The following MMS22L variants were observed in gnomAD, a reference collection of about 807,000 sequenced individuals.
MMS22L encodes protein MMS22-like.
A neutral mutation model predicts 159.1 loss-of-function variants in MMS22L; 74 were observed. That is an observed-to-expected ratio of 0.47 (90% CI 0.39 to 0.56). The LOEUF (loss-of-function observed/expected upper bound fraction) is 0.56. Among genes scored for constraint, MMS22L ranks in the 20% least tolerant of loss-of-function variants. The pLI is 0.00. For missense variants in MMS22L, 1,351 were observed against 1,422.1 expected, an observed-to-expected ratio of 0.95 and a Z score of 0.80; for synonymous variants, 517 against 506.9, an observed-to-expected ratio of 1.02 and a Z score of -0.27.
At chr6:97,218,981 AG>A (rs1487432133) in intron 14 of MMS22L, among the ~76,000 whole-genome samples, 1 of 152,172 alleles carries the variant, frequency 6.6e-6, no homozygotes, top group Non-Finnish European at 1.5e-5. Context: ...AGCTGCTAGC[AG>A]GGAAAATGCC....
At chr6:97,236,897 G>T (rs1451362999) in intron 11 of MMS22L, among the ~76,000 whole-genome samples, 2 of 151,526 alleles carry the variant, frequency 1.3e-5, no homozygotes, top group South Asian at 4.2e-4. Flanking sequence ...CTTGCAGTGA[G>T]CCGAAATAGC....
At position 97,165,285 on chromosome 6, in the gene MMS22L, G is replaced by A; in HGVS notation, c.3182C>T (p.Pro1061Leu). Residue 1061 changes from proline (P) to leucine (L), a missense_variant, in exon 21 of 25, where the codon CCA becomes CTA. By Grantham distance (98) the Pro-to-Leu change is moderately conservative (BLOSUM62 -3). Coordinates refer to ENST00000683635, the MANE Select transcript of MMS22L (RefSeq NM_001350599.2). ...LALRNTATIPPISSLKKCIVQ... is the reference protein window; with the variant it reads ...LALRNTATIPLISSLKKCIVQ... ...AATGCATTTCTTTAGAGATGATATT[G>A]GTGGAATAGTGGCTGTGTTTCTCAA... 1.9e-6 allele frequency: 3 copies of A among 1,613,160 alleles called. No individual in the cohort carries two copies. Among genetic ancestry groups the A allele is most frequent in the South Asian group, 2.2e-5 (2 of 91,068 alleles).
chr6:97,210,061 A>C (rs1382050177), intron 14 of MMS22L, among the ~76,000 whole-genome samples: 1 of 151,958 alleles, frequency 6.6e-6, no homozygotes, highest in African/African-American at 2.4e-5. Context: ...CCAATCCTTT[A>C]TCCTTCAGAT....
chr6:97,226,365 C>T (rs1037847441), intron 14 of MMS22L, among the ~76,000 whole-genome samples: 1 of 152,032 alleles, frequency 6.6e-6, no homozygotes, highest in African/African-American at 2.4e-5. Flanking sequence ...GAGGCCGAGG[C>T]GGGTGGATCA....
intron 8 of MMS22L, chr6:97,264,545 T>C (rs1401049889): frequency 1.3e-5 from 2 of 152,132 alleles, no homozygotes; most frequent in Non-Finnish European, 2.9e-5. Flanking sequence ...CTAGAAATCC[T>C]AGCCACAGCA....
intron 22 of MMS22L, among the ~76,000 whole-genome samples, chr6:97,160,647 T>C (rs945964042): frequency 1.1e-4 from 16 of 152,076 alleles, no homozygotes; most frequent in African/African-American, 3.9e-4. Flanking sequence ...GTTAATATTC[T>C]TGAATAAACT....
At chr6:97,264,734 T>C (rs1470425821) in intron 8 of MMS22L, 2 of 152,054 alleles carry the variant, frequency 1.3e-5, no homozygotes. Flanking sequence ...TACCATAGCA[T>C]TTCTATACAA....
At chr6:97,250,620 A>C (rs988787287) in intron 10 of MMS22L, among the ~76,000 whole-genome samples, 1 of 152,190 alleles carries the variant, frequency 6.6e-6, no homozygotes, top group Non-Finnish European at 1.5e-5. Flanking sequence ...TAATATAAAA[A>C]GTGAGATACC....
At chr6:97,176,345 C>T (rs1804111522) in intron 18 of MMS22L, among the ~76,000 whole-genome samples, 1 of 152,024 alleles carries the variant, frequency 6.6e-6, no homozygotes. Context: ...TATGCTTAGG[C>T]TTAACTTCCC....
At chr6:97,218,593 T>A (rs1326070888) in intron 14 of MMS22L, among the ~76,000 whole-genome samples, 6 of 152,168 alleles carry the variant, frequency 3.9e-5, no homozygotes, top group Admixed American at 1.3e-4. Context: ...TTGAATAAAT[T>A]GTTTTTCATG....
chr6:97,217,415 A>G (rs1809135174), intron 14 of MMS22L, among the ~76,000 whole-genome samples: 2 of 151,738 alleles, frequency 1.3e-5, no homozygotes, highest in South Asian at 2.1e-4. Context: ...CACCACGCCC[A>G]GCTAATTTTT....
At chr6:97,263,238 TA>T in intron 9 of MMS22L, 96 bp downstream of exon 9, 1 of 744,206 alleles carries the variant, frequency 1.3e-6, no homozygotes, top group Admixed American at 2.9e-5. Context: ...TGCCTTATTA[TA>T]AAAAAGGAAG....
At chr6:97,271,451 T>A (rs1003463209) in intron 6 of MMS22L, 2 of 152,162 alleles carry the variant, frequency 1.3e-5, no homozygotes, top group Admixed American at 1.3e-4. Flanking sequence ...ACCAGTCCAA[T>A]TTACAGAAAC....
intron 18 of MMS22L, among the ~76,000 whole-genome samples, chr6:97,176,586 T>A (rs927986469): frequency 6.6e-6 from 1 of 152,116 alleles, no homozygotes; most frequent in Admixed American, 6.6e-5. Context: ...TTATGCTGAA[T>A]ACCTGCTTTC....
chr6:97,173,853 G>A (rs1249559784), intron 18 of MMS22L, among the ~76,000 whole-genome samples: 1 of 152,052 alleles, frequency 6.6e-6, no homozygotes, highest in Non-Finnish European at 1.5e-5. Context: ...AGAAGAAGAG[G>A]AAAGGAAATA....
At chr6:97,258,028 T>C (rs1347395868) in intron 9 of MMS22L, among the ~76,000 whole-genome samples, 1 of 152,172 alleles carries the variant, frequency 6.6e-6, no homozygotes, top group Non-Finnish European at 1.5e-5. Flanking sequence ...CTACATCTAT[T>C]AGGAAGAGCT....
At chr6:97,170,531 A>G (rs1418627048) in intron 19 of MMS22L, among the ~76,000 whole-genome samples, 1 of 152,048 alleles carries the variant, frequency 6.6e-6, no homozygotes, top group East Asian at 1.9e-4. Context: ...ATACAAAAAA[A>G]TTTAATACAA....
intron 15 of MMS22L, among the ~76,000 whole-genome samples, chr6:97,183,404 T>C (rs1365263363): frequency 2.6e-5 from 4 of 152,192 alleles, no homozygotes; most frequent in Admixed American, 1.3e-4. Context: ...TTTCCCCACA[T>C]GTACCAGTAT....
intron 22 of MMS22L, among the ~76,000 whole-genome samples, chr6:97,158,940 G>C (rs1206139): frequency 0.55 from 82,877 of 151,636 alleles, 23,515 homozygotes; most frequent in African/African-American, 0.7. Flanking sequence ...GTGTGGGAGT[G>C]TAAGTCTCTT....
Sources: allele counts gnomAD v4.1 joint callset (sites outside exome capture counted in the v4.1 genomes callset), GRCh38; gene constraint gnomAD v4.1.1; transcripts MANE v1.5; gene names NCBI Gene and HGNC (gene_info 2026-07-23, HGNC 2026-07-21).